Variants in DPYSL3 observed in about 807,000 individuals in gnomAD.
DPYSL3 encodes dihydropyrimidinase like 3.
Under a neutral mutation model 66.1 loss-of-function variants are expected in DPYSL3, and 16 were observed. The observed-to-expected ratio is 0.24, with a 90% confidence interval of 0.16 to 0.37. The LOEUF is 0.37. Among genes scored for constraint, DPYSL3 ranks in the 10% least tolerant of loss-of-function variants. The pLI is 1.00. For missense variants in DPYSL3, 738 were observed against 916.2 expected (o/e 0.81, Z 2.51); for synonymous variants, 338 against 345.1 (o/e 0.98, Z 0.23).
Position 147,400,827 on chromosome 5 carries a change from A to T in DPYSL3, c.1317T>A (p.Asp439Glu). The change falls in exon 10 of 14, where the codon GAT becomes GAA. Residue 439 changes from aspartate to glutamate, a missense_variant. By Grantham distance (45) the Asp-to-Glu change is conservative. Coordinates refer to ENST00000343218, the MANE Select transcript of DPYSL3 (RefSeq NM_001197294.2). ...AGTGGGCACTCCCAGATAGCTGCAG[A>T]TCCCCGCTGGCAAAGGAGAAAAGCT... ...DYINSLLASGDLQLSGSAHCT... is the reference protein window; with the variant it reads ...DYINSLLASGELQLSGSAHCT... 6.2e-7 allele frequency: 1 copy of T among 1,613,588 alleles called. No homozygotes were observed. Among genetic ancestry groups the T allele is most frequent in the Non-Finnish European group, 8.5e-7 (1 of 1,179,684 alleles).
chr5:147,453,622 C>T (rs1265148361), intron 1 of DPYSL3: 2 of 1,523,850 alleles, frequency 1.3e-6, no homozygotes, highest in Non-Finnish European at 1.8e-6. Flanking sequence ...TGGCTCCCTC[C>T]CTCCTTCTTC....
At chr5:147,398,772 G>A (rs895008541) in intron 11 of DPYSL3, among the ~76,000 whole-genome samples, 3 of 152,156 alleles carry the variant, frequency 2.0e-5, no homozygotes, top group African/African-American at 7.2e-5. Flanking sequence ...ACATCTAGGG[G>A]AAGCTTTCAG....
intron 8 of DPYSL3, 55 bp downstream of exon 8, chr5:147,405,555 G>C: frequency 6.4e-7 from 1 of 1,558,696 alleles, no homozygotes. Flanking sequence ...AACCAGAGAG[G>C]GAAGGAGCCA....
At chr5:147,403,788 G>A (rs1758256804) in intron 8 of DPYSL3, among the ~76,000 whole-genome samples, 1 of 152,114 alleles carries the variant, frequency 6.6e-6, no homozygotes, top group Admixed American at 6.5e-5. Flanking sequence ...TCCATGAGTT[G>A]TTTACTGACT....
chr5:147,452,979 G>A (rs1048907632), intron 1 of DPYSL3, among the ~76,000 whole-genome samples: 1 of 150,442 alleles, frequency 6.6e-6, no homozygotes, highest in African/African-American at 2.4e-5. Context: ...TCCCATAAAC[G>A]ATACATTGAA....
intron 3 of DPYSL3, among the ~76,000 whole-genome samples, chr5:147,416,420 A>C (rs1303702942): frequency 6.6e-6 from 1 of 152,196 alleles, no homozygotes; most frequent in Non-Finnish European, 1.5e-5. Flanking sequence ...TAAACCTGAT[A>C]CTGGGCCCGC....
chr5:147,434,234 T>C (rs542822815), intron 1 of DPYSL3, among the ~76,000 whole-genome samples: 2 of 152,336 alleles, frequency 1.3e-5, no homozygotes, highest in African/African-American at 2.4e-5. Context: ...GAGTATAAAG[T>C]CCAGTACAGA....
At chr5:147,502,841 G>A (rs1166837843) in intron 1 of DPYSL3, among the ~76,000 whole-genome samples, 1 of 152,138 alleles carries the variant, frequency 6.6e-6, no homozygotes, top group Non-Finnish European at 1.5e-5. Flanking sequence ...CTCCCAAAGT[G>A]CTGGGATTAC....
At chr5:147,487,122 G>A (rs1039799188) in intron 1 of DPYSL3, among the ~76,000 whole-genome samples, 60 of 152,026 alleles carry the variant, frequency 3.9e-4, no homozygotes, top group Admixed American at 3.3e-3. Context: ...CTAGCACTCC[G>A]GTAAAGCTTT....
chr5:147,451,270 GA>G (rs1444781834), intron 1 of DPYSL3, among the ~76,000 whole-genome samples: 1 of 152,166 alleles, frequency 6.6e-6, no homozygotes, highest in African/African-American at 2.4e-5. Context: ...CTGGTTTGAA[GA>G]AATTCACAAC....
intron 1 of DPYSL3, among the ~76,000 whole-genome samples, chr5:147,463,748 G>A (rs1379278904): frequency 6.6e-6 from 1 of 152,120 alleles, no homozygotes; most frequent in Non-Finnish European, 1.5e-5. Flanking sequence ...GCTGTCAAAT[G>A]TCCGTCATGC....
chr5:147,481,617 G>C (rs751135866), intron 1 of DPYSL3, among the ~76,000 whole-genome samples: 1 of 152,224 alleles, frequency 6.6e-6, no homozygotes, highest in Non-Finnish European at 1.5e-5. Context: ...TAATGCAACA[G>C]TGCCTGAAGG....
Position 147,397,794 on chromosome 5 carries a change from C to T in DPYSL3, c.1675G>A (p.Val559Ile). ...EGMELRGAPL[V>I]VICQGKIMLE... Reference sequence around the variant, plus strand: ...ATGATCTTGCCCTGGCAGATGACAACCAGAGGAGCCCCGCGCAGCTCCATC... The same window carrying T: ...ATGATCTTGCCCTGGCAGATGACAATCAGAGGAGCCCCGCGCAGCTCCATC... The change falls in exon 12 of 14, where the codon GTT becomes ATT. Residue 559 changes from valine to isoleucine, a missense_variant. Physicochemically the swap from Val to Ile is conservative, Grantham distance 29. Transcript: ENST00000343218. 6.2e-7 allele frequency: 1 copy of T among 1,613,996 alleles called. No homozygotes were observed. Among genetic ancestry groups the T allele is most frequent in the Non-Finnish European group, 8.5e-7 (1 of 1,179,998 alleles).
intron 2 of DPYSL3, among the ~76,000 whole-genome samples, chr5:147,421,754 C>T (rs1254407725): frequency 1.3e-5 from 2 of 151,976 alleles, no homozygotes; most frequent in South Asian, 2.1e-4. Context: ...AAGTAAGCAA[C>T]GGGAAAAGGA....
Position 147,510,067 on chromosome 5 carries a change from G to T in DPYSL3, c.-209C>A, listed in dbSNP as rs936894018. ...CTAGCGCGCGGAGCAGGGGCCCAGAGTAGCGCCGCGCTTGGCTCACTCGCT... is the reference window on the plus strand; with the variant it reads ...CTAGCGCGCGGAGCAGGGGCCCAGATTAGCGCCGCGCTTGGCTCACTCGCT... On this transcript the variant is annotated 5_prime_UTR_variant, in exon 1 of 14. Transcript: ENST00000343218. 2.6e-6 allele frequency: 2 copies of T among 766,262 alleles called. No individual in the cohort carries two copies. Among genetic ancestry groups the T allele is most frequent in the Non-Finnish European group, 3.9e-6 (2 of 514,898 alleles). The allele number at this position is 766,262 out of a possible 1,614,324, so 47.5% of individuals were successfully genotyped here. A position where few individuals can be genotyped will look rare whatever the true frequency, so the allele number is the denominator to read the frequency against.
At position 147,392,271 on chromosome 5, in the gene DPYSL3, T is replaced by C. The variant is rs1414173131; in HGVS notation, c.*1764A>G. On this transcript the variant is annotated 3_prime_UTR_variant, in exon 14 of 14. Transcript: ENST00000343218. ...TTTAAAATAGCAAGCTTCCCTATTCTAAGGGGAAATAGTCTTTTTTCATGA... is the reference window on the plus strand; with the variant it reads ...TTTAAAATAGCAAGCTTCCCTATTCCAAGGGGAAATAGTCTTTTTTCATGA... The C allele has an allele frequency of 1.3e-5, 2 of 152,326 alleles. No individual in the cohort carries two copies. Among genetic ancestry groups the C allele is most frequent in the South Asian group, 2.1e-4 (1 of 4,824 alleles). The allele number at this position is 152,326 out of a possible 1,614,324, so 9.4% of individuals were successfully genotyped here. A position where few individuals can be genotyped will look rare whatever the true frequency, so the allele number is the denominator to read the frequency against.
At chr5:147,428,375 T>A (rs1198571180) in intron 1 of DPYSL3, among the ~76,000 whole-genome samples, 4 of 152,092 alleles carry the variant, frequency 2.6e-5, no homozygotes, top group African/African-American at 9.6e-5. Context: ...TCCTCCCCAA[T>A]TTTAACTCTT....
intron 1 of DPYSL3, among the ~76,000 whole-genome samples, chr5:147,485,211 A>G (rs555402512): frequency 4.6e-5 from 7 of 152,316 alleles, no homozygotes; most frequent in Non-Finnish European, 1.0e-4. Context: ...CACTGCTAAG[A>G]TTTTGTAAAA....
At chr5:147,458,986 T>A (rs1467107223) in intron 1 of DPYSL3, among the ~76,000 whole-genome samples, 3 of 91,132 alleles carry the variant, frequency 3.3e-5, no homozygotes, top group African/African-American at 2.1e-4. Flanking sequence ...ATATTTTGAT[T>A]TTTTTTTTTT....
Sources: gnomAD v4.1 joint callset for allele counts (sites outside exome capture counted in the v4.1 genomes callset) on GRCh38, gnomAD v4.1.1 for gene constraint, MANE v1.5 for transcripts, NCBI Gene and HGNC (gene_info 2026-07-23, HGNC 2026-07-21) for gene names.